Variants in ASTN2 observed in about 807,000 individuals in gnomAD.
ASTN2 encodes astrotactin-2.
ASTN2 carries 54 observed loss-of-function variants against 139.8 expected under a neutral mutation model. The ratio of observed to expected loss-of-function variants is 0.39; its 90% CI spans 0.31 to 0.48. ASTN2 has a LOEUF of 0.48. Ranked by LOEUF, ASTN2 falls within the 20% of genes least tolerant of loss-of-function variation. The pLI, the probability that ASTN2 is intolerant of heterozygous loss-of-function variation, is 0.95. For synonymous variants in ASTN2, 756 were observed against 719.5 expected, an observed-to-expected ratio of 1.05 and a Z score of -0.81; for missense variants, 1,565 against 1,725.1, an observed-to-expected ratio of 0.91 and a Z score of 1.64.
At position 117,104,450 on chromosome 9, in the gene ASTN2, G is replaced by T. The variant is rs140440022; in HGVS notation, c.1169-8299C>A. ...AATTTATATATGCTTGCTCATATTT[G>T]GTATGAATGCCATTCTGTGTATGTA... On this transcript the variant is annotated intron_variant, in intron 4 of 22. Coordinates refer to ENST00000313400, the MANE Select transcript of ASTN2 (RefSeq NM_001365068.1). Among the ~76,000 whole-genome samples, 10 of 152,108 alleles carry T rather than the reference G, an allele frequency of 6.6e-5. No homozygotes were observed. The East Asian group carries it at 1.9e-3, about 29-fold the overall frequency.
At chr9:117,113,371 T>C (rs1259294199) in intron 4 of ASTN2, among the ~76,000 whole-genome samples, 1 of 152,120 alleles carries the variant, frequency 6.6e-6, no homozygotes, top group Non-Finnish European at 1.5e-5. Context: ...TACAGCATAT[T>C]TAGGCCAGGC....
intron 3 of ASTN2, among the ~76,000 whole-genome samples, chr9:117,165,551 G>A (rs141790221): frequency 3.7e-4 from 57 of 152,214 alleles, no homozygotes; most frequent in African/African-American, 1.4e-3. Flanking sequence ...CAGCACGGAA[G>A]TCCAACAGTT....
At chr9:116,962,681 T>C (rs1007192918) in intron 10 of ASTN2, among the ~76,000 whole-genome samples, 1 of 152,260 alleles carries the variant, frequency 6.6e-6, no homozygotes, top group Non-Finnish European at 1.5e-5. Context: ...TTTTAAATTA[T>C]GGAATCCTCC....
chr9:117,242,935 A>C (rs1448538134), intron 2 of ASTN2, among the ~76,000 whole-genome samples: 1 of 152,212 alleles, frequency 6.6e-6, no homozygotes, highest in Non-Finnish European at 1.5e-5. Context: ...GCATTCTTTC[A>C]TTTATTCATT....
intron 12 of ASTN2, among the ~76,000 whole-genome samples, chr9:116,814,213 C>T (rs752963485): frequency 6.6e-6 from 1 of 152,064 alleles, no homozygotes; most frequent in Non-Finnish European, 1.5e-5. Context: ...CCTGTGAAAA[C>T]CCCACCCTGG....
chr9:117,215,675 C>T (rs963572053), intron 2 of ASTN2, among the ~76,000 whole-genome samples: 1 of 152,064 alleles, frequency 6.6e-6, no homozygotes, highest in African/African-American at 2.4e-5. Context: ...CCCCATAACA[C>T]CTGTCATGAG....
chr9:116,834,300 C>T (rs1831917264), intron 11 of ASTN2, among the ~76,000 whole-genome samples: 1 of 152,098 alleles, frequency 6.6e-6, no homozygotes, highest in African/African-American at 2.4e-5. Context: ...TAAATGTTAA[C>T]TAGATCTTTT....
chr9:116,696,950 T>TAA lies in ASTN2; in HGVS notation c.2806+28819_2806+28820dup, dbSNP rs11400163. On this transcript the variant is annotated intron_variant, in intron 16 of 22. Coordinates refer to ENST00000313400, the MANE Select transcript of ASTN2 (RefSeq NM_001365068.1). ...GACACAATAAACTCTGTGACATGAT[T>TAA]AAAAAAAAAAAAAAAAGCCTCCACA... is the stretch of plus-strand genomic sequence containing the variant. Among the ~76,000 whole-genome samples the TAA allele has an allele frequency of 2.0e-3, 278 of 137,106 alleles. 2 individuals carry two copies. The highest frequency in any genetic ancestry group is 3.6e-3 in the Middle Eastern group (1 of 274). 89.9% of individuals were successfully genotyped at this position (137,106 alleles called of 152,430 possible). A position where few individuals can be genotyped will look rare whatever the true frequency, so the allele number is the denominator to read the frequency against.
At chr9:116,758,029 A>T (rs1305979481) in intron 13 of ASTN2, among the ~76,000 whole-genome samples, 1 of 152,188 alleles carries the variant, frequency 6.6e-6, no homozygotes, top group Non-Finnish European at 1.5e-5. Context: ...TGCCATTACT[A>T]GAAGAAGCCT....
chr9:117,024,836 G>A (rs1838009843), intron 6 of ASTN2, among the ~76,000 whole-genome samples: 1 of 152,100 alleles, frequency 6.6e-6, no homozygotes, highest in Admixed American at 6.6e-5. Context: ...ATATGTTGTG[G>A]GAGGGACCTG....
Position 117,269,969 on chromosome 9 carries a change from C to A in ASTN2, c.630+21357G>T, listed in dbSNP as rs369300974. Among the ~76,000 whole-genome samples, 15 of 152,188 alleles carry A rather than the reference C, an allele frequency of 9.9e-5. No individual in the cohort carries two copies. The East Asian group carries it at 2.1e-3, about 22-fold the overall frequency. ...CACATGCCCATTGGATAGTATTTTT[C>A]CTATTTTACAGAAAAGAAAGCCGTG... is the stretch of plus-strand genomic sequence containing the variant. On this transcript the variant is annotated intron_variant, in intron 2 of 22. Transcript: ENST00000313400.
rs369317163 is a variant in ASTN2, at chr9:116,800,464, G to GC, written c.2396+5167dup. ...GTTCAGGAAATATCACCACATGCTCGCCCCCCAGAACAGGCTGTAGCCTAC... is the reference window on the plus strand; with the variant it reads ...GTTCAGGAAATATCACCACATGCTCGCCCCCCCAGAACAGGCTGTAGCCTAC... On this transcript the variant is annotated intron_variant, in intron 13 of 22. Transcript: ENST00000313400. Among the ~76,000 whole-genome samples, 497 of 152,072 alleles carry GC rather than the reference G, an allele frequency of 3.3e-3. 3 individuals are homozygous for GC. The highest frequency in any genetic ancestry group is 0.011 in the African/African-American group (468 of 41,484).
At chr9:116,784,171 T>A (rs897530358) in intron 13 of ASTN2, among the ~76,000 whole-genome samples, 3 of 152,192 alleles carry the variant, frequency 2.0e-5, no homozygotes, top group Non-Finnish European at 4.4e-5. Flanking sequence ...CCACATCTAC[T>A]TAGCTCCGAA....
chr9:116,913,566 C>T (rs1834370622), intron 10 of ASTN2, among the ~76,000 whole-genome samples: 1 of 152,176 alleles, frequency 6.6e-6, no homozygotes, highest in Non-Finnish European at 1.5e-5. Context: ...TAAAAGGAGG[C>T]TCCAGCTCCC....
At chr9:117,253,773 G>A (rs182411454) in intron 2 of ASTN2, among the ~76,000 whole-genome samples, 2 of 152,236 alleles carry the variant, frequency 1.3e-5, no homozygotes, top group South Asian at 2.1e-4. Context: ...CAGAATTGTG[G>A]GGAGGATGGG....
In ASTN2 at chr9:117,133,862, A is replaced by G. The variant is rs143180143; in HGVS notation, c.1168+7464T>C. On this transcript the variant is annotated intron_variant, in intron 4 of 22. Coordinates refer to ENST00000313400, the MANE Select transcript of ASTN2 (RefSeq NM_001365068.1). ...GAAAGAGGAAGAAGTTCAAGCTGCAAAAAGCGCATAGAGGTGGAGGTAAAA... is the reference window on the plus strand; with the variant it reads ...GAAAGAGGAAGAAGTTCAAGCTGCAGAAAGCGCATAGAGGTGGAGGTAAAA... 6.8e-3 allele frequency among the ~76,000 whole-genome samples: 1,031 copies of G among 152,210 alleles called. 10 individuals carry two copies. The highest frequency in any genetic ancestry group is 0.023 in the African/African-American group (972 of 41,534).
At chr9:117,064,976 T>C (rs1336572373) in intron 5 of ASTN2, among the ~76,000 whole-genome samples, 1 of 152,112 alleles carries the variant, frequency 6.6e-6, no homozygotes, top group Non-Finnish European at 1.5e-5. Context: ...AAAAGGGTCT[T>C]TGCAGATGCA....
At chr9:116,787,925 G>GAT (rs1300327610) in intron 13 of ASTN2, among the ~76,000 whole-genome samples, 1 of 152,156 alleles carries the variant, frequency 6.6e-6, no homozygotes, top group Non-Finnish European at 1.5e-5. Context: ...ATGGGAAACT[G>GAT]ATTGCAGGGT....
At chr9:116,515,138 G>A (rs1265232597) in intron 19 of ASTN2, among the ~76,000 whole-genome samples, 1 of 152,120 alleles carries the variant, frequency 6.6e-6, no homozygotes, top group Non-Finnish European at 1.5e-5. Context: ...TCTTGGAACT[G>A]CCCTATCTCT....
Sources: allele counts gnomAD v4.1 joint callset (sites outside exome capture counted in the v4.1 genomes callset), GRCh38; gene constraint gnomAD v4.1.1; transcripts MANE v1.5; gene names NCBI Gene and HGNC (gene_info 2026-07-23, HGNC 2026-07-21).